TNIK: variants seen among roughly 807,000 people sequenced by gnomAD.
TNIK encodes the protein TRAF2 and NCK interacting kinase.
Under a neutral mutation model 191.3 loss-of-function variants are expected in TNIK, and 49 were observed. The observed-to-expected ratio is 0.26, with a 90% CI of 0.20 to 0.32. The LOEUF is 0.32. Ranked by LOEUF, TNIK falls within the 10% of genes least tolerant of loss-of-function variation. The pLI is 1.00. For missense variants in TNIK, 1,155 were observed against 1,702.3 expected, an observed-to-expected ratio of 0.68 and a Z score of 5.66; for synonymous variants, 594 against 600.9, an observed-to-expected ratio of 0.99 and a Z score of 0.17.
intron 1 of TNIK, among the ~76,000 whole-genome samples, chr3:171,418,596 TATG>T (rs1283883985): frequency 6.6e-6 from 1 of 152,194 alleles, no homozygotes; most frequent in Admixed American, 6.5e-5. Flanking sequence ...CACAAGATTA[TATG>T]ATTTCACTTG....
intron 1 of TNIK, among the ~76,000 whole-genome samples, chr3:171,410,772 C>T (rs1248819893): frequency 6.8e-5 from 6 of 88,652 alleles, no homozygotes; most frequent in African/African-American, 3.3e-4. Flanking sequence ...GAGCAAGACT[C>T]CATCTCAAAA....
chr3:171,195,008 G>T (rs1738520732), intron 4 of TNIK, among the ~76,000 whole-genome samples: 1 of 152,028 alleles, frequency 6.6e-6, no homozygotes, highest in Non-Finnish European at 1.5e-5. Context: ...AAGAACTGTG[G>T]TTCTCTAGGT....
At chr3:171,275,754 G>A (rs112438212) in intron 2 of TNIK, among the ~76,000 whole-genome samples, 6,709 of 151,844 alleles carry the variant, frequency 0.044, 446 homozygotes, top group African/African-American at 0.15. Flanking sequence ...AAAATTAGCC[G>A]GGCGTGGTGG....
intron 12 of TNIK, among the ~76,000 whole-genome samples, chr3:171,153,363 T>C (rs13083413): frequency 0.12 from 18,876 of 152,132 alleles, 1,519 homozygotes; most frequent in African/African-American, 0.22. Context: ...TTTTTCTTAT[T>C]TTTGACCCCT....
At chr3:171,095,012 T>C (rs1463329738) in intron 22 of TNIK, among the ~76,000 whole-genome samples, 1 of 152,192 alleles carries the variant, frequency 6.6e-6, no homozygotes, top group African/African-American at 2.4e-5. Flanking sequence ...AGAAGAAATA[T>C]CTACTAAGAA....
At position 171,062,751 on chromosome 3, in the gene TNIK, C is replaced by A. The variant is rs1402504729; in HGVS notation, c.*1130G>T. 6.6e-6 allele frequency: 1 copy of A among 152,114 alleles called. No homozygotes were observed. The highest frequency in any genetic ancestry group is 2.4e-5 in the African/African-American group (1 of 41,388). 9.4% of individuals were successfully genotyped at this position (152,114 alleles called of 1,614,324 possible). On this transcript the variant is annotated 3_prime_UTR_variant, in exon 33 of 33. Coordinates refer to ENST00000436636, the MANE Select transcript of TNIK (RefSeq NM_015028.4). ...TTCTCTCACCCACACAGGGAGAACA[C>A]AGGCAGCTCAGAAACATTTATTATT...
intron 4 of TNIK, among the ~76,000 whole-genome samples, chr3:171,210,090 G>A (rs180762640): frequency 3.0e-4 from 45 of 152,292 alleles, no homozygotes; most frequent in Admixed American, 5.9e-4. Context: ...ACAGTAAGAG[G>A]TTAAAAAGGT....
rs143210094 is a variant in TNIK, at chr3:171,238,443, C to T, written c.124-10222G>A. ...TAATCCCAAAAAATGTAAATTCTCC[C>T]TCTCAAACCCTTTAAAACAGTGGTT... On this transcript the variant is annotated intron_variant, in intron 2 of 32. Transcript: ENST00000436636. 2.0e-3 allele frequency among the ~76,000 whole-genome samples: 303 copies of T among 151,846 alleles called. 3 individuals carry two copies. The highest frequency in any genetic ancestry group is 0.017 in the Admixed American group (253 of 15,238).
chr3:171,343,855 A>C (rs1042117134), intron 2 of TNIK, among the ~76,000 whole-genome samples: 1 of 152,204 alleles, frequency 6.6e-6, no homozygotes, highest in African/African-American at 2.4e-5. Flanking sequence ...CCCAAAAGGC[A>C]TAAATGAGTT....
intron 18 of TNIK, among the ~76,000 whole-genome samples, chr3:171,119,495 C>T (rs553772604): frequency 3.9e-5 from 6 of 152,254 alleles, no homozygotes; most frequent in Non-Finnish European, 7.3e-5. Flanking sequence ...CACATGCACA[C>T]GTATGTTTAT....
chr3:171,211,312 C>A, intron 3 of TNIK, 71 bp from the exon 4 acceptor site: 1 of 1,497,788 alleles, frequency 6.7e-7, no homozygotes, highest in African/African-American at 1.4e-5. Flanking sequence ...TTCTTCAACA[C>A]CATCTAAATT....
chr3:171,103,937 C>A (rs75461024), intron 21 of TNIK, among the ~76,000 whole-genome samples: 2,970 of 152,112 alleles, frequency 0.02, 108 homozygotes, highest in African/African-American at 0.069. Flanking sequence ...AAATGACATA[C>A]ATTTTTCTAA....
chr3:171,142,576 G>A (rs983866372), intron 12 of TNIK, among the ~76,000 whole-genome samples: 4 of 152,236 alleles, frequency 2.6e-5, no homozygotes, highest in African/African-American at 4.8e-5. Context: ...AGTGGACGAT[G>A]GGATAGAGAA....
At chr3:171,429,871 CG>C (rs1725144792) in intron 1 of TNIK, among the ~76,000 whole-genome samples, 1 of 152,148 alleles carries the variant, frequency 6.6e-6, no homozygotes, top group Admixed American at 6.5e-5. Flanking sequence ...ATTCCTCCCC[CG>C]AACACCCTGC....
intron 2 of TNIK, among the ~76,000 whole-genome samples, chr3:171,298,802 G>A (rs2108263847): frequency 6.6e-6 from 1 of 152,252 alleles, no homozygotes; most frequent in Non-Finnish European, 1.5e-5. Context: ...ATCCTATCCT[G>A]AAAAAAATAA....
intron 2 of TNIK, among the ~76,000 whole-genome samples, chr3:171,360,531 G>T (rs1714818492): frequency 6.6e-6 from 1 of 152,168 alleles, no homozygotes; most frequent in African/African-American, 2.4e-5. Flanking sequence ...TGAAACCAAG[G>T]CCCAGAAAAG....
At chr3:171,110,626 C>G (rs1428702289) in intron 19 of TNIK, 88 bp downstream of exon 19, 1 of 1,463,886 alleles carries the variant, frequency 6.8e-7, no homozygotes, top group Non-Finnish European at 9.1e-7. Flanking sequence ...CATGCCTGGA[C>G]TAGAGTCAGG....
chr3:171,222,371 CGTT>C (rs1742460099), intron 3 of TNIK, among the ~76,000 whole-genome samples: 1 of 152,034 alleles, frequency 6.6e-6, no homozygotes, highest in Non-Finnish European at 1.5e-5. Context: ...TCCTAATGGA[CGTT>C]GTTTTAAGGA....
chr3:171,174,199 T>C (rs1735692094), intron 9 of TNIK, among the ~76,000 whole-genome samples: 1 of 152,144 alleles, frequency 6.6e-6, no homozygotes, highest in Non-Finnish European at 1.5e-5. Flanking sequence ...CTCTCATTAG[T>C]AGATGACTGG....
Sources: allele counts gnomAD v4.1 joint callset (sites outside exome capture counted in the v4.1 genomes callset), GRCh38; gene constraint gnomAD v4.1.1; transcripts MANE v1.5; gene names NCBI Gene and HGNC (gene_info 2026-07-23, HGNC 2026-07-21).